MTUS2: variants seen among roughly 807,000 people sequenced by gnomAD.
MTUS2 encodes microtubule associated scaffold protein 2, also known as microtubule-associated tumor suppressor candidate 2.
A neutral mutation model predicts 114.1 loss-of-function variants in MTUS2; 40 were observed. The observed-to-expected ratio is 0.35, with a 90% confidence interval of 0.27 to 0.46. MTUS2 has a LOEUF of 0.46. MTUS2 is among the 20% of genes least tolerant of loss of function. The pLI is 1.00. For missense variants in MTUS2, 1,679 were observed against 1,705.4 expected, an observed-to-expected ratio of 0.98 and a Z score of 0.27; for synonymous variants, 688 against 672.0, an observed-to-expected ratio of 1.02 and a Z score of -0.37.
intron 5 of MTUS2, among the ~76,000 whole-genome samples, chr13:29,104,469 C>T (rs1890569525): frequency 6.6e-6 from 1 of 152,180 alleles, no homozygotes; most frequent in African/African-American, 2.4e-5. Flanking sequence ...CCTCAGGCTT[C>T]CCAGGTTGTC....
chr13:29,220,381 T>C (rs1895860114), intron 5 of MTUS2, among the ~76,000 whole-genome samples: 1 of 152,274 alleles, frequency 6.6e-6, no homozygotes, highest in South Asian at 2.1e-4. Flanking sequence ...AGGCTTAGCT[T>C]TCAGCTTATT....
intron 4 of MTUS2, among the ~76,000 whole-genome samples, chr13:29,059,624 T>C (rs1888315469): frequency 6.6e-6 from 1 of 152,004 alleles, no homozygotes; most frequent in Non-Finnish European, 1.5e-5. Flanking sequence ...TCCAAGGCAA[T>C]AGGAGGCTGT....
At chr13:29,084,809 A>G (rs1298205556) in intron 4 of MTUS2, among the ~76,000 whole-genome samples, 2 of 115,216 alleles carry the variant, frequency 1.7e-5, no homozygotes, top group South Asian at 2.5e-4. Flanking sequence ...TGGCCTTCCA[A>G]AGTGCTGGGA....
intron 2 of MTUS2, among the ~76,000 whole-genome samples, chr13:28,882,082 C>T (rs187271699): frequency 3.3e-5 from 5 of 151,788 alleles, no homozygotes; most frequent in Admixed American, 6.6e-5. Flanking sequence ...TTTTTTGAGA[C>T]GGAGTCTTGC....
At chr13:29,329,425 A>G (rs1169859586) in intron 7 of MTUS2, among the ~76,000 whole-genome samples, 1 of 152,034 alleles carries the variant, frequency 6.6e-6, no homozygotes, top group African/African-American at 2.4e-5. Flanking sequence ...TGTGCTGAGA[A>G]TGATGGTTTC....
intron 8 of MTUS2, among the ~76,000 whole-genome samples, chr13:29,392,275 G>T (rs1873563227): frequency 6.6e-6 from 1 of 152,024 alleles, no homozygotes; most frequent in Non-Finnish European, 1.5e-5. Context: ...CTGTCTCTAG[G>T]AATTTGACCT....
chr13:29,174,113 T>C (rs147915567), intron 5 of MTUS2, among the ~76,000 whole-genome samples: 39 of 152,312 alleles, frequency 2.6e-4, no homozygotes, highest in Non-Finnish European at 4.9e-4. Context: ...TCCTTCGTGT[T>C]TCCTCCTTAA....
intron 5 of MTUS2, among the ~76,000 whole-genome samples, chr13:29,135,463 A>C (rs1891939580): frequency 6.6e-6 from 1 of 152,116 alleles, no homozygotes; most frequent in African/African-American, 2.4e-5. Context: ...TAGTTGGATC[A>C]TGTTTTTGTT....
At chr13:28,827,818 TG>T (rs535517925) in intron 1 of MTUS2, among the ~76,000 whole-genome samples, 40 of 152,306 alleles carry the variant, frequency 2.6e-4, no homozygotes, top group Non-Finnish European at 5.0e-4. Flanking sequence ...GAATAGTGTG[TG>T]GGTCACAGAG....
At chr13:28,947,554 A>T (rs893930122) in intron 2 of MTUS2, among the ~76,000 whole-genome samples, 2 of 152,186 alleles carry the variant, frequency 1.3e-5, no homozygotes, top group African/African-American at 4.8e-5. Flanking sequence ...TGCAAAAAAA[A>T]ATGCTTATTG....
At chr13:28,964,512 T>G (rs1357660449) in intron 2 of MTUS2, among the ~76,000 whole-genome samples, 12 of 152,092 alleles carry the variant, frequency 7.9e-5, no homozygotes, top group Admixed American at 7.9e-4. Context: ...TCTTGTTCAC[T>G]GGCACAGCCA....
At position 28,916,847 on chromosome 13, in the gene MTUS2, G is replaced by A. The variant is rs548186668; in HGVS notation, c.-243+76997G>A. ...AAGTGGGTATCCTTGTTGCATTCCA[G>A]ATCTTAGAGAAAGGCTTTCAGTTTT... On this transcript the variant is annotated intron_variant, in intron 2 of 15. Transcript: ENST00000612955. Among the ~76,000 whole-genome samples the A allele has an allele frequency of 1.5e-3, 233 of 151,768 alleles. 1 individual carries two copies. Among genetic ancestry groups the A allele is most frequent in the African/African-American group, 5.2e-3 (216 of 41,466 alleles).
intron 2 of MTUS2, among the ~76,000 whole-genome samples, chr13:28,911,753 G>A (rs984353503): frequency 2.0e-5 from 3 of 151,530 alleles, no homozygotes; most frequent in South Asian, 2.1e-4. Context: ...CGTGATGATC[G>A]GTGATGTTGA....
chr13:28,849,081 G>A (rs1358981422), intron 2 of MTUS2, among the ~76,000 whole-genome samples: 1 of 152,180 alleles, frequency 6.6e-6, no homozygotes, highest in Non-Finnish European at 1.5e-5. Flanking sequence ...GTTTTGGAGA[G>A]CTTTACTAAT....
At chr13:28,824,297 C>A (rs1267571469) in intron 1 of MTUS2, among the ~76,000 whole-genome samples, 2 of 152,220 alleles carry the variant, frequency 1.3e-5, no homozygotes, top group Non-Finnish European at 2.9e-5. Flanking sequence ...CTCCTACCAC[C>A]TGGAGTGTCT....
intron 8 of MTUS2, chr13:29,429,024 C>T: frequency 2.3e-6 from 2 of 886,770 alleles, no homozygotes; most frequent in Non-Finnish European, 3.7e-6. Context: ...ACAGGAGGCT[C>T]CCTTTACTCG....
intron 5 of MTUS2, among the ~76,000 whole-genome samples, chr13:29,142,115 C>A (rs182475778): frequency 6.6e-6 from 1 of 152,098 alleles, no homozygotes; most frequent in East Asian, 1.9e-4. Context: ...CCGCCTCGGC[C>A]TCCCAAAGTG....
At chr13:29,074,530 G>C (rs1889096955) in intron 4 of MTUS2, among the ~76,000 whole-genome samples, 1 of 152,158 alleles carries the variant, frequency 6.6e-6, no homozygotes. Flanking sequence ...CTCAAACTCA[G>C]CTGAACTGAG....
In MTUS2 at chr13:29,281,651, G is replaced by T. The variant is rs555225113; in HGVS notation, c.2645-53G>T. 4.8e-5 allele frequency: 74 copies of T among 1,528,380 alleles called. 2 individuals carry two copies. The South Asian group carries it at 8.4e-4, about 17-fold the overall frequency. The allele number at this position is 1,528,380 out of a possible 1,614,324, so 94.7% of individuals were successfully genotyped here. On this transcript the variant is annotated intron_variant, in intron 5 of 15. Transcript: ENST00000612955. Reference sequence around the variant, plus strand: ...TGGTTGGCAAGTGCAAATGGTGAGGGCTCCATCCATTTTTCATGAAGTTAT... The same window carrying T: ...TGGTTGGCAAGTGCAAATGGTGAGGTCTCCATCCATTTTTCATGAAGTTAT...
Sources: gnomAD v4.1 joint callset for allele counts (sites outside exome capture counted in the v4.1 genomes callset) on GRCh38, gnomAD v4.1.1 for gene constraint, MANE v1.5 for transcripts, NCBI Gene and HGNC (gene_info 2026-07-23, HGNC 2026-07-21) for gene names.